NEDD4L: variants seen among roughly 807,000 people sequenced by gnomAD.
NEDD4L encodes E3 ubiquitin-protein ligase NEDD4-like.
Under a neutral mutation model 148.9 loss-of-function variants are expected in NEDD4L, and 54 were observed. That is an observed-to-expected ratio of 0.36 (90% CI 0.29 to 0.45). NEDD4L has a LOEUF of 0.45. NEDD4L is among the 20% of genes least tolerant of loss of function. NEDD4L has a pLI of 1.00. For synonymous variants in NEDD4L, 433 were observed against 440.7 expected (o/e 0.98, Z 0.22); for missense variants, 856 against 1,233.8 (o/e 0.69, Z 4.59).
intron 1 of NEDD4L, among the ~76,000 whole-genome samples, chr18:58,152,526 A>C (rs1743715713): frequency 6.6e-6 from 1 of 152,256 alleles, no homozygotes; most frequent in African/African-American, 2.4e-5. Flanking sequence ...GCAAATGTGA[A>C]ATCTTAAAAA....
At chr18:58,119,066 A>G (rs1361536170) in intron 1 of NEDD4L, among the ~76,000 whole-genome samples, 1 of 152,222 alleles carries the variant, frequency 6.6e-6, no homozygotes, top group African/African-American at 2.4e-5. Context: ...TCAGCGAAGT[A>G]AATCCAATAA....
Position 58,390,678 on chromosome 18 carries a change from C to A in NEDD4L, c.2688C>A (p.Ile896=). The change falls in exon 29 of 31, where the codon ATC becomes ATA. Residue 896 remains isoleucine, a synonymous_variant. Transcript: ENST00000400345. ...AVLLMDAEKR[I]RLLQFVTGTS... is the part of the protein sequence containing the mutation. Reference sequence around the variant, plus strand: ...TACTCATGGACGCCGAAAAGCGTATCCGGTTACTGCAGTTTGTCACAGGGA... The same window carrying A: ...TACTCATGGACGCCGAAAAGCGTATACGGTTACTGCAGTTTGTCACAGGGA... 1 of 1,597,180 alleles carries A rather than the reference C, an allele frequency of 6.3e-7. No homozygotes were observed. The highest frequency in any genetic ancestry group is 8.5e-7 in the Non-Finnish European group (1 of 1,171,004).
In NEDD4L at chr18:58,216,423, T is replaced by C. The variant is rs191804868; in HGVS notation, c.123-29004T>C. Among the ~76,000 whole-genome samples, 418 of 152,148 alleles carry C rather than the reference T, an allele frequency of 2.7e-3. 3 individuals are homozygous for C. Among genetic ancestry groups the C allele is most frequent in the African/African-American group, 9.5e-3 (393 of 41,506 alleles). ...GAAAGGAGTGGCTTGGTGTGATTTATTGTAGCAAGTGAGAGTGACCCAGAG... is the reference window on the plus strand; with the variant it reads ...GAAAGGAGTGGCTTGGTGTGATTTACTGTAGCAAGTGAGAGTGACCCAGAG... On this transcript the variant is annotated intron_variant, in intron 2 of 30. Coordinates refer to ENST00000400345, the MANE Select transcript of NEDD4L (RefSeq NM_001144967.3).
chr18:58,308,058 C>G (rs2149327411), intron 5 of NEDD4L, among the ~76,000 whole-genome samples: 1 of 152,186 alleles, frequency 6.6e-6, no homozygotes, highest in African/African-American at 2.4e-5. Flanking sequence ...CAAATTGCAC[C>G]ATAAAACCAG....
In NEDD4L at chr18:58,274,082, G is replaced by A. The variant is rs371921275; in HGVS notation, c.297+22028G>A. 1.4e-3 allele frequency among the ~76,000 whole-genome samples: 219 copies of A among 152,290 alleles called. 1 individual carries two copies. Among genetic ancestry groups the A allele is most frequent in the African/African-American group, 5.1e-3 (210 of 41,558 alleles). The stretch of plus-strand genomic sequence containing the variant: ...TGGAAAAGCTTGCTTTAGGGATCCA[G>A]CTGCCACCTAAAGGCCCTGAAGTGA... On this transcript the variant is annotated intron_variant, in intron 5 of 30. Coordinates refer to ENST00000400345, the MANE Select transcript of NEDD4L (RefSeq NM_001144967.3).
intron 1 of NEDD4L, among the ~76,000 whole-genome samples, chr18:58,134,247 C>G (rs113121069): frequency 6.6e-6 from 1 of 152,104 alleles, no homozygotes; most frequent in African/African-American, 2.4e-5. Flanking sequence ...GTGATCCATC[C>G]GCCTCGGGCT....
chr18:58,286,298 G>T (rs1215433146), intron 5 of NEDD4L, among the ~76,000 whole-genome samples: 1 of 152,140 alleles, frequency 6.6e-6, no homozygotes, highest in Non-Finnish European at 1.5e-5. Flanking sequence ...CAGTCCTCAA[G>T]GTTTCAGTGA....
Position 58,161,411 on chromosome 18 carries a change from A to G in NEDD4L, c.49-4377A>G, listed in dbSNP as rs1031533639. ...TAAAATTTTTCTTTTGCTTTCCTTA[A>G]TATTTCCGTGTTTTTTTCTTTTTCT... is the stretch of plus-strand genomic sequence containing the variant. On this transcript the variant is annotated intron_variant, in intron 1 of 30. Transcript: ENST00000400345. 2.7e-5 allele frequency among the ~76,000 whole-genome samples: 4 copies of G among 147,582 alleles called. No individual in the cohort carries two copies. The Admixed American group carries it at 2.7e-4, about 10-fold the overall frequency.
chr18:58,180,859 G>T (rs2038780440), intron 2 of NEDD4L, among the ~76,000 whole-genome samples: 1 of 152,328 alleles, frequency 6.6e-6, no homozygotes, highest in South Asian at 2.1e-4. Flanking sequence ...CAGGTGTACA[G>T]CCTCTGTCAC....
intron 1 of NEDD4L, among the ~76,000 whole-genome samples, chr18:58,101,806 A>G (rs1260591244): frequency 1.3e-5 from 2 of 152,120 alleles, no homozygotes; most frequent in Non-Finnish European, 2.9e-5. Flanking sequence ...AAACCAAGAG[A>G]GAGAATGAGC....
At chr18:58,096,357 T>TTTTATTTTATTTTATTTTA (rs2084400460) in intron 1 of NEDD4L, among the ~76,000 whole-genome samples, 1 of 35,700 alleles carries the variant, frequency 2.8e-5, no homozygotes, top group African/African-American at 3.3e-4. Context: ...ATTTATTTTA[T>TTTTATTTTATTTTATTTTA]TTTATTTTAT....
At chr18:58,173,892 G>A (rs1037980863) in intron 2 of NEDD4L, among the ~76,000 whole-genome samples, 2 of 152,152 alleles carry the variant, frequency 1.3e-5, no homozygotes, top group East Asian at 3.8e-4. Context: ...ATTCTGTATT[G>A]CATTTAATCG....
chr18:58,305,331 A>G (rs886662494), intron 5 of NEDD4L, among the ~76,000 whole-genome samples: 1 of 152,208 alleles, frequency 6.6e-6, no homozygotes, highest in Non-Finnish European at 1.5e-5. Flanking sequence ...GCCCTGGCCA[A>G]AAATTAGAAT....
chr18:58,181,562 G>A (rs535503639), intron 2 of NEDD4L, among the ~76,000 whole-genome samples: 1 of 152,082 alleles, frequency 6.6e-6, no homozygotes, highest in Admixed American at 6.5e-5. Flanking sequence ...CTCCCAAATA[G>A]CTAGACCATG....
At chr18:58,135,792 T>C (rs1034182683) in intron 1 of NEDD4L, among the ~76,000 whole-genome samples, 2 of 152,216 alleles carry the variant, frequency 1.3e-5, no homozygotes, top group African/African-American at 4.8e-5. Flanking sequence ...ACACTTGTCA[T>C]GGGAGGAAAG....
intron 24 of NEDD4L, among the ~76,000 whole-genome samples, chr18:58,379,638 G>A (rs966389469): frequency 6.6e-5 from 10 of 152,234 alleles, no homozygotes; most frequent in South Asian, 2.1e-4. Context: ...CTGGGGCATC[G>A]GCCAGTGGCA....
intron 22 of NEDD4L, 107 bp downstream of exon 22, chr18:58,367,974 C>A: frequency 2.5e-6 from 3 of 1,213,480 alleles, no homozygotes; most frequent in Non-Finnish European, 3.5e-6. Context: ...CTGGTTTACT[C>A]ATAAAGTATT....
intron 1 of NEDD4L, among the ~76,000 whole-genome samples, chr18:58,155,066 G>C (rs1270184681): frequency 6.6e-6 from 1 of 152,110 alleles, no homozygotes; most frequent in African/African-American, 2.4e-5. Flanking sequence ...TGGCCTTTTA[G>C]AAATCTAGTC....
At chr18:58,249,225 ATCAT>A (rs899400839) in intron 4 of NEDD4L, among the ~76,000 whole-genome samples, 13 of 152,218 alleles carry the variant, frequency 8.5e-5, no homozygotes, top group African/African-American at 3.1e-4. Context: ...AAGATAAAAT[ATCAT>A]TTATGAGAAT....
Sources: allele counts gnomAD v4.1 joint callset (sites outside exome capture counted in the v4.1 genomes callset), GRCh38; gene constraint gnomAD v4.1.1; transcripts MANE v1.5; gene names NCBI Gene and HGNC (gene_info 2026-07-23, HGNC 2026-07-21).